PDE4D: variants seen among roughly 807,000 people sequenced by gnomAD.
PDE4D encodes 3',5'-cyclic-AMP phosphodiesterase 4D.
Under a neutral mutation model 87.4 loss-of-function variants are expected in PDE4D, and 24 were observed. The observed-to-expected ratio is 0.27, with a 90% confidence interval of 0.20 to 0.39. PDE4D has a LOEUF of 0.39. Ranked by LOEUF, PDE4D falls within the 10% of genes least tolerant of loss-of-function variation. The pLI is 1.00. For synonymous variants in PDE4D, 384 were observed against 383.2 expected (o/e 1.00, Z -0.02); for missense variants, 714 against 1,041.0 (o/e 0.69, Z 4.32).
At chr5:60,001,262 A>G (rs1172655076) in intron 2 of PDE4D, among the ~76,000 whole-genome samples, 1 of 152,200 alleles carries the variant, frequency 6.6e-6, no homozygotes, top group Non-Finnish European at 1.5e-5. Flanking sequence ...CAGCCTGTAA[A>G]GACCGAAAGA....
intron 2 of PDE4D, among the ~76,000 whole-genome samples, chr5:60,177,065 T>C (rs984681989): frequency 7.9e-5 from 12 of 152,150 alleles, no homozygotes; most frequent in Non-Finnish European, 1.5e-4. Context: ...AGTCCTATAG[T>C]TTTCTTTCTA....
chr5:60,352,880 C>T (rs1174413071), intron 1 of PDE4D, among the ~76,000 whole-genome samples: 1 of 152,062 alleles, frequency 6.6e-6, no homozygotes, highest in Non-Finnish European at 1.5e-5. Context: ...TAGTGGTACT[C>T]CCACAAATGT....
chr5:60,211,657 T>C (rs1205272163), intron 1 of PDE4D, among the ~76,000 whole-genome samples: 1 of 151,712 alleles, frequency 6.6e-6, no homozygotes, highest in East Asian at 1.9e-4. Context: ...ATTTGTTGTC[T>C]ATGCATCATA....
intron 3 of PDE4D, among the ~76,000 whole-genome samples, chr5:59,918,664 G>C (rs1414310310): frequency 6.6e-6 from 1 of 152,164 alleles, no homozygotes; most frequent in Non-Finnish European, 1.5e-5. Flanking sequence ...GCGAACTGAG[G>C]ATGGCTTCTA....
chr5:60,415,887 G>A (rs1263489699), intron 1 of PDE4D, among the ~76,000 whole-genome samples: 2 of 152,252 alleles, frequency 1.3e-5, no homozygotes, highest in Non-Finnish European at 2.9e-5. Flanking sequence ...CCTGAGTCTG[G>A]TGGGGACTTG....
chr5:59,725,858 T>C (rs1251484466), intron 1 of PDE4D, among the ~76,000 whole-genome samples: 1 of 152,064 alleles, frequency 6.6e-6, no homozygotes, highest in Non-Finnish European at 1.5e-5. Flanking sequence ...ATAAGGTCCC[T>C]AAAAGATTGA....
intron 1 of PDE4D, among the ~76,000 whole-genome samples, chr5:59,240,775 CACAA>C (rs1033908338): frequency 2.0e-4 from 17 of 83,558 alleles, no homozygotes; most frequent in African/African-American, 3.2e-4. Flanking sequence ...CGGAAAAATT[CACAA>C]ACACACACAC....
chr5:58,977,470 A>G, intron 11 of PDE4D, 125 bp from the exon 12 acceptor site: 1 of 780,594 alleles, frequency 1.3e-6, no homozygotes, highest in Non-Finnish European at 2.1e-6. Flanking sequence ...TCATTACCTG[A>G]CAATATCCAG....
intron 1 of PDE4D, among the ~76,000 whole-genome samples, chr5:59,689,010 AC>A (rs1472552778): frequency 6.6e-6 from 1 of 152,244 alleles, no homozygotes; most frequent in Non-Finnish European, 1.5e-5. Flanking sequence ...CCCTCCCAAG[AC>A]TAAACCAGGA....
At chr5:59,330,010 A>C (rs1776420484) in intron 1 of PDE4D, among the ~76,000 whole-genome samples, 1 of 152,232 alleles carries the variant, frequency 6.6e-6, no homozygotes, top group Non-Finnish European at 1.5e-5. Flanking sequence ...AAGCCATTCT[A>C]TAAATAAACA....
intron 9 of PDE4D, among the ~76,000 whole-genome samples, chr5:58,990,184 T>C (rs895451327): frequency 7.2e-5 from 11 of 152,144 alleles, no homozygotes; most frequent in African/African-American, 2.7e-4. Context: ...GTGCCAACTC[T>C]AAAAGTTTCT....
chr5:59,477,461 G>GA (rs1344253192), intron 1 of PDE4D, among the ~76,000 whole-genome samples: 10 of 151,358 alleles, frequency 6.6e-5, no homozygotes, highest in African/African-American at 2.4e-4. Context: ...TTAATAAGAT[G>GA]AAAAAATACA....
intron 1 of PDE4D, among the ~76,000 whole-genome samples, chr5:60,452,182 T>C (rs1273468367): frequency 1.3e-5 from 2 of 152,090 alleles, no homozygotes; most frequent in Non-Finnish European, 2.9e-5. Flanking sequence ...GCCCCTGGAA[T>C]TTTGTAAATC....
At chr5:60,125,166 C>A (rs1464056173) in intron 2 of PDE4D, among the ~76,000 whole-genome samples, 1 of 152,170 alleles carries the variant, frequency 6.6e-6, no homozygotes, top group Non-Finnish European at 1.5e-5. Flanking sequence ...AACTGCCTAT[C>A]TTTCCACTGA....
At chr5:60,501,403 T>A (rs1345322916) in intron 1 of PDE4D, among the ~76,000 whole-genome samples, 2 of 151,892 alleles carry the variant, frequency 1.3e-5, no homozygotes, top group Non-Finnish European at 2.9e-5. Context: ...TCTATCATTG[T>A]TGGACATTTG....
chr5:60,507,662 C>A (rs75510723), intron 1 of PDE4D, among the ~76,000 whole-genome samples: 3,280 of 152,044 alleles, frequency 0.022, 56 homozygotes, highest in Middle Eastern at 0.089. Context: ...AAAAAAAAAT[C>A]TTCTGCTAGA....
intron 1 of PDE4D, among the ~76,000 whole-genome samples, chr5:60,494,572 C>T (rs1749711257): frequency 6.6e-6 from 1 of 152,186 alleles, no homozygotes; most frequent in South Asian, 2.1e-4. Context: ...ACTTCTACCC[C>T]CAGAATAGTC....
intron 3 of PDE4D, among the ~76,000 whole-genome samples, chr5:59,975,716 G>C (rs1385854382): frequency 6.6e-6 from 1 of 152,132 alleles, no homozygotes; most frequent in African/African-American, 2.4e-5. Flanking sequence ...AAAAGTTAAT[G>C]GTAAGTTTTA....
intron 1 of PDE4D, among the ~76,000 whole-genome samples, chr5:59,318,751 C>G (rs555523949): frequency 6.6e-6 from 1 of 151,992 alleles, no homozygotes; most frequent in East Asian, 1.9e-4. Context: ...TTTTCACAAT[C>G]TCTGGATGCA....
Sources: gnomAD v4.1 joint callset for allele counts (sites outside exome capture counted in the v4.1 genomes callset) on GRCh38, gnomAD v4.1.1 for gene constraint, MANE v1.5 for transcripts, NCBI Gene and HGNC (gene_info 2026-07-23, HGNC 2026-07-21) for gene names.